The following SUGCT variants were observed in gnomAD, a reference collection of about 807,000 sequenced individuals.
SUGCT encodes the protein succinyl-CoA:glutarate CoA-transferase.
Under a neutral mutation model 55.0 loss-of-function variants are expected in SUGCT, and 41 were observed. The ratio of observed to expected loss-of-function variants is 0.74; its 90% CI spans 0.58 to 0.97. SUGCT has a LOEUF of 0.97. Among genes scored for constraint, SUGCT ranks in the 50% least tolerant of loss-of-function variants. The probability of loss-of-function intolerance (pLI) is 0.00; values close to 1 mark genes in which losing one functional copy is unlikely to be tolerated. For missense variants in SUGCT, 568 were observed against 547.8 expected, an observed-to-expected ratio of 1.04 and a Z score of -0.37; for synonymous variants, 187 against 200.4, an observed-to-expected ratio of 0.93 and a Z score of 0.56.
intron 9 of SUGCT, among the ~76,000 whole-genome samples, chr7:40,386,211 A>G (rs552814512): frequency 2.6e-5 from 4 of 152,340 alleles, no homozygotes; most frequent in Admixed American, 1.3e-4. Context: ...GCATGTTTTC[A>G]GAAAGCCCCT....
chr7:40,458,099 T>A (rs1789584813), intron 10 of SUGCT, among the ~76,000 whole-genome samples: 1 of 152,274 alleles, frequency 6.6e-6, no homozygotes, highest in African/African-American at 2.4e-5. Flanking sequence ...GGAATCTTCT[T>A]CACTTCTCTG....
Position 40,142,571 on chromosome 7 carries a change from G to A in SUGCT, c.100+7451G>A, listed in dbSNP as rs143092166. 2.9e-4 allele frequency among the ~76,000 whole-genome samples: 44 copies of A among 152,304 alleles called. No homozygotes were observed. In the East Asian group the frequency reaches 6.9e-3, roughly 24 times the overall value. Reference sequence around the variant, plus strand: ...GAGTAAGTACACCCATTATGGCTGCGAGGGAAGTAAGAACTGAGGCTATTA... The same window carrying A: ...GAGTAAGTACACCCATTATGGCTGCAAGGGAAGTAAGAACTGAGGCTATTA... On this transcript the variant is annotated intron_variant, in intron 1 of 13. Transcript: ENST00000335693.
At chr7:40,623,808 C>T (rs1411901524) in intron 12 of SUGCT, among the ~76,000 whole-genome samples, 2 of 152,048 alleles carry the variant, frequency 1.3e-5, no homozygotes, top group Non-Finnish European at 2.9e-5. Flanking sequence ...GTTTTGTAAG[C>T]TTTTATAATG....
intron 11 of SUGCT, among the ~76,000 whole-genome samples, chr7:40,494,484 T>C (rs1791865573): frequency 6.6e-6 from 1 of 152,212 alleles, no homozygotes; most frequent in Non-Finnish European, 1.5e-5. Context: ...GTTATTCTTA[T>C]GAAAGATTTT....
At chr7:40,852,682 T>C (rs925942393) in intron 13 of SUGCT, among the ~76,000 whole-genome samples, 5 of 151,734 alleles carry the variant, frequency 3.3e-5, no homozygotes, top group Admixed American at 2.0e-4. Flanking sequence ...ACTGTTCGTA[T>C]TGATAGCTCA....
chr7:40,238,474 A>G (rs989688860), intron 7 of SUGCT, among the ~76,000 whole-genome samples: 1 of 152,288 alleles, frequency 6.6e-6, no homozygotes, highest in East Asian at 1.9e-4. Context: ...GCTAAAACAC[A>G]CCCATTTCAA....
chr7:40,342,873 C>T (rs1450753902), intron 9 of SUGCT, among the ~76,000 whole-genome samples: 1 of 152,090 alleles, frequency 6.6e-6, no homozygotes, highest in East Asian at 1.9e-4. Flanking sequence ...GAACTCCTGA[C>T]CTCAAGTGAT....
At chr7:40,202,396 A>ATG (rs1458684018) in intron 6 of SUGCT, among the ~76,000 whole-genome samples, 1 of 152,016 alleles carries the variant, frequency 6.6e-6, no homozygotes, top group South Asian at 2.1e-4. Context: ...TGTGAAGAGG[A>ATG]TGTGTGTGTG....
At chr7:40,910,479 T>C in the SUGCT span, among the ~76,000 whole-genome samples, 1 of 152,110 alleles carries the variant, frequency 6.6e-6, no homozygotes, top group African/African-American at 2.4e-5. Context: ...GACATAAGCT[T>C]GAAAGTTGAT....
At chr7:40,796,006 T>G (rs781460803) in intron 13 of SUGCT, among the ~76,000 whole-genome samples, 1 of 152,220 alleles carries the variant, frequency 6.6e-6, no homozygotes, top group Non-Finnish European at 1.5e-5. Flanking sequence ...CTCTTTTAAA[T>G]GTTTCTTTTT....
At chr7:40,736,826 CT>C (rs752062189) in intron 12 of SUGCT, among the ~76,000 whole-genome samples, 18 of 151,884 alleles carry the variant, frequency 1.2e-4, no homozygotes, top group Admixed American at 2.6e-4. Flanking sequence ...AACCAACTTA[CT>C]AGGAGAACTT....
At chr7:40,362,995 T>C (rs530161602) in intron 9 of SUGCT, among the ~76,000 whole-genome samples, 66 of 152,216 alleles carry the variant, frequency 4.3e-4, no homozygotes, top group African/African-American at 1.3e-3. Context: ...AAAATGGCTG[T>C]TATTGGTCTA....
At chr7:40,948,679 C>A in the SUGCT span, among the ~76,000 whole-genome samples, 1 of 151,902 alleles carries the variant, frequency 6.6e-6, no homozygotes, top group Admixed American at 6.6e-5. Context: ...TGTTCAACTC[C>A]CACTTATTAG....
At chr7:40,776,089 A>T (rs1479623275) in intron 13 of SUGCT, among the ~76,000 whole-genome samples, 1 of 152,184 alleles carries the variant, frequency 6.6e-6, no homozygotes, top group Non-Finnish European at 1.5e-5. Flanking sequence ...TGAGGTGCCC[A>T]GCGGTTGTCC....
the SUGCT span, among the ~76,000 whole-genome samples, chr7:40,886,091 C>G: frequency 2.6e-5 from 4 of 152,092 alleles, no homozygotes; most frequent in African/African-American, 9.7e-5. Context: ...ACATGAGCCT[C>G]AAGGAATATG....
rs115686156 is a variant in SUGCT at position 40,817,857 on chromosome 7, G to A, written c.1154-42459G>A. On this transcript the variant is annotated intron_variant, in intron 13 of 13. Transcript: ENST00000335693. Reference sequence around the variant, plus strand: ...CTGGAAGAGTTGTATTACATAAGCCGAGAGAGAGAACTTCTAGAAGGAGGT... The same window carrying A: ...CTGGAAGAGTTGTATTACATAAGCCAAGAGAGAGAACTTCTAGAAGGAGGT... Among the ~76,000 whole-genome samples, 742 of 152,256 alleles carry A rather than the reference G, an allele frequency of 4.9e-3. 7 individuals carry two copies. Among genetic ancestry groups the A allele is most frequent in the African/African-American group, 0.016 (648 of 41,550 alleles).
intron 8 of SUGCT, among the ~76,000 whole-genome samples, chr7:40,312,675 G>T (rs964320613): frequency 6.6e-6 from 1 of 152,126 alleles, no homozygotes; most frequent in Non-Finnish European, 1.5e-5. Flanking sequence ...GTATTCATTC[G>T]GGGGCAGGAA....
intron 1 of SUGCT, among the ~76,000 whole-genome samples, chr7:40,180,008 C>T (rs1019372879): frequency 6.6e-6 from 1 of 152,184 alleles, no homozygotes; most frequent in Admixed American, 6.5e-5. Flanking sequence ...TTTTCTGATG[C>T]TTTGCCTATC....
intron 9 of SUGCT, among the ~76,000 whole-genome samples, chr7:40,399,802 A>G (rs999111205): frequency 1.1e-4 from 16 of 152,166 alleles, no homozygotes; most frequent in African/African-American, 3.9e-4. Flanking sequence ...AGAGCACATC[A>G]CTACTTTACT....
Sources: allele counts gnomAD v4.1 joint callset (sites outside exome capture counted in the v4.1 genomes callset), GRCh38; gene constraint gnomAD v4.1.1; transcripts MANE v1.5; gene names NCBI Gene and HGNC (gene_info 2026-07-23, HGNC 2026-07-21).